CACNA2D1: variants seen among roughly 807,000 people sequenced by gnomAD.
CACNA2D1 encodes voltage-dependent calcium channel subunit alpha-2/delta-1.
CACNA2D1 carries 53 observed loss-of-function variants against 171.5 expected under a neutral mutation model. That is an observed-to-expected ratio of 0.31 (90% confidence interval 0.25 to 0.39). The LOEUF (loss-of-function observed/expected upper bound fraction) is 0.39, where lower values mean the gene tolerates loss of function less well. Among genes scored for constraint, CACNA2D1 ranks in the 10% least tolerant of loss-of-function variants. The pLI, the probability that CACNA2D1 is intolerant of heterozygous loss-of-function variation, is 1.00. For missense variants in CACNA2D1, 903 were observed against 1,299.8 expected, an observed-to-expected ratio of 0.69 and a Z score of 4.69; for synonymous variants, 442 against 443.1, an observed-to-expected ratio of 1.00 and a Z score of 0.03.
chr7:82,102,109 G>A (rs1408610172), intron 6 of CACNA2D1, among the ~76,000 whole-genome samples: 1 of 152,008 alleles, frequency 6.6e-6, no homozygotes, highest in African/African-American at 2.4e-5. Flanking sequence ...TCCCTAACCT[G>A]CCATTGTTTT....
At chr7:81,951,981 T>TTGTTTGTTTGTTTGTTTG (rs1792629503) in intron 38 of CACNA2D1, among the ~76,000 whole-genome samples, 1 of 149,308 alleles carries the variant, frequency 6.7e-6, no homozygotes, top group African/African-American at 2.5e-5. Flanking sequence ...TTTTTTTTTT[T>TTGTTTGTTTGTTTGTTTG]TTTTTTTTTT....
intron 1 of CACNA2D1, among the ~76,000 whole-genome samples, chr7:82,431,552 C>T (rs1375403667): frequency 6.6e-6 from 1 of 152,096 alleles, no homozygotes; most frequent in Admixed American, 6.6e-5. Context: ...ATGCTAAGAC[C>T]TCAAAGCTTC....
chr7:82,245,640 T>C (rs1004710403), intron 3 of CACNA2D1, among the ~76,000 whole-genome samples: 2 of 93,804 alleles, frequency 2.1e-5, no homozygotes, highest in African/African-American at 4.3e-5. Flanking sequence ...ACACACAAAA[T>C]GTCTCTCTCT....
intron 3 of CACNA2D1, among the ~76,000 whole-genome samples, chr7:82,191,198 CATT>C (rs1327063547): frequency 6.6e-6 from 1 of 151,684 alleles, no homozygotes; most frequent in East Asian, 1.9e-4. Flanking sequence ...TTGCCTTAAT[CATT>C]ATTAGAAAAC....
chr7:82,131,718 GA>G (rs1319888913), intron 5 of CACNA2D1, among the ~76,000 whole-genome samples: 1 of 152,050 alleles, frequency 6.6e-6, no homozygotes, highest in African/African-American at 2.4e-5. Context: ...TTTTAATGAA[GA>G]ATATGACATT....
At chr7:82,424,279 A>G (rs1828979139) in intron 1 of CACNA2D1, among the ~76,000 whole-genome samples, 1 of 152,218 alleles carries the variant, frequency 6.6e-6, no homozygotes, top group African/African-American at 2.4e-5. Flanking sequence ...TATGGAGTAT[A>G]TGAAGGACCT....
chr7:82,191,678 G>T (rs1417940463), intron 3 of CACNA2D1, among the ~76,000 whole-genome samples: 3 of 151,724 alleles, frequency 2.0e-5, no homozygotes, highest in Non-Finnish European at 4.4e-5. Flanking sequence ...GTCATAACAT[G>T]AATAAATAAT....
At chr7:82,237,982 T>G (rs1803809162) in intron 3 of CACNA2D1, among the ~76,000 whole-genome samples, 1 of 151,054 alleles carries the variant, frequency 6.6e-6, no homozygotes, top group Non-Finnish European at 1.5e-5. Flanking sequence ...AGTTACACAA[T>G]ATTTTTTTCC....
chr7:82,322,910 G>A (rs757685759), intron 3 of CACNA2D1, among the ~76,000 whole-genome samples: 1 of 152,168 alleles, frequency 6.6e-6, no homozygotes, highest in Non-Finnish European at 1.5e-5. Context: ...ATTTACAGAG[G>A]AAGGTTTAGA....
chr7:82,299,923 CGA>C (rs1812792662), intron 3 of CACNA2D1, among the ~76,000 whole-genome samples: 1 of 152,084 alleles, frequency 6.6e-6, no homozygotes, highest in African/African-American at 2.4e-5. Flanking sequence ...ATATCAGGAA[CGA>C]TGTTAGGCCC....
At chr7:82,407,832 A>C (rs1017625266) in intron 1 of CACNA2D1, among the ~76,000 whole-genome samples, 2 of 152,100 alleles carry the variant, frequency 1.3e-5, no homozygotes, top group African/African-American at 4.8e-5. Flanking sequence ...TTGAACTGAT[A>C]TAGCCCATCT....
chr7:82,159,312 A>G (rs1794699128), intron 4 of CACNA2D1, among the ~76,000 whole-genome samples: 1 of 151,886 alleles, frequency 6.6e-6, no homozygotes, highest in Admixed American at 6.6e-5. Flanking sequence ...AGTCTTATCA[A>G]CTGCTTGAAT....
intron 1 of CACNA2D1, among the ~76,000 whole-genome samples, chr7:82,374,793 A>AAAAAAG (rs1822826131): frequency 6.6e-6 from 1 of 151,822 alleles, no homozygotes; most frequent in African/African-American, 2.4e-5. Flanking sequence ...TGCCCCCCAA[A>AAAAAAG]AAAAGAAAAA....
chr7:82,426,913 C>T (rs1829248625), intron 1 of CACNA2D1, among the ~76,000 whole-genome samples: 1 of 152,160 alleles, frequency 6.6e-6, no homozygotes, highest in Non-Finnish European at 1.5e-5. Context: ...GGAGAGAGAC[C>T]ACCTCCACAC....
chr7:82,374,449 C>G (rs1242870601), intron 1 of CACNA2D1, among the ~76,000 whole-genome samples: 3 of 152,072 alleles, frequency 2.0e-5, no homozygotes, highest in East Asian at 3.9e-4. Context: ...ACAAATGGAT[C>G]AAGACATCTC....
intron 3 of CACNA2D1, among the ~76,000 whole-genome samples, chr7:82,301,414 C>T (rs111731681): frequency 0.089 from 13,564 of 152,084 alleles, 1,022 homozygotes; most frequent in African/African-American, 0.2. Context: ...CGTGAGCCAC[C>T]GTGCCCAGCC....
At chr7:82,362,466 C>T (rs977982536) in intron 1 of CACNA2D1, among the ~76,000 whole-genome samples, 5 of 152,290 alleles carry the variant, frequency 3.3e-5, no homozygotes, top group African/African-American at 1.2e-4. Flanking sequence ...GCTGAATGGA[C>T]TCCTTTATCA....
At chr7:81,989,116 C>G (rs1282166319) in intron 21 of CACNA2D1, among the ~76,000 whole-genome samples, 1 of 152,126 alleles carries the variant, frequency 6.6e-6, no homozygotes, top group Non-Finnish European at 1.5e-5. Flanking sequence ...GAAGTAATTT[C>G]ATATACAAAA....
intron 6 of CACNA2D1, among the ~76,000 whole-genome samples, chr7:82,095,418 T>G (rs556885766): frequency 6.6e-6 from 1 of 152,300 alleles, no homozygotes; most frequent in Admixed American, 6.5e-5. Flanking sequence ...CACCACGTTA[T>G]TTTCCCTGAT....
Sources: gnomAD v4.1 joint callset for allele counts (sites outside exome capture counted in the v4.1 genomes callset) on GRCh38, gnomAD v4.1.1 for gene constraint, MANE v1.5 for transcripts, NCBI Gene and HGNC (gene_info 2026-07-23, HGNC 2026-07-21) for gene names.